LIN52: variants seen among roughly 807,000 people sequenced by gnomAD.
LIN52 encodes the protein protein lin-52 homolog.
A neutral mutation model predicts 18.5 loss-of-function variants in LIN52; 4 were observed. The ratio of observed to expected loss-of-function variants is 0.22; its 90% CI spans 0.11 to 0.49. The LOEUF (loss-of-function observed/expected upper bound fraction) is 0.49. LIN52 is among the 20% of genes least tolerant of loss of function. LIN52 has a pLI of 0.97. For synonymous variants in LIN52, 34 were observed against 45.5 expected, an observed-to-expected ratio of 0.75 and a Z score of 1.02; for missense variants, 102 against 139.5, an observed-to-expected ratio of 0.73 and a Z score of 1.35.
At chr14:74,106,329 G>T (rs1486898084) in intron 5 of LIN52, among the ~76,000 whole-genome samples, 3 of 152,094 alleles carry the variant, frequency 2.0e-5, no homozygotes, top group African/African-American at 7.2e-5. Context: ...GAGTGCCATG[G>T]CCTTATCATG....
chr14:74,111,942 G>A (rs1436204541), intron 5 of LIN52, among the ~76,000 whole-genome samples: 4 of 150,960 alleles, frequency 2.6e-5, no homozygotes, highest in South Asian at 2.1e-4. Flanking sequence ...GTGCAATGGC[G>A]TGATCTCAGC....
At chr14:74,096,160 A>G (rs867197432) in intron 3 of LIN52, among the ~76,000 whole-genome samples, 175 bp downstream of exon 3, 1 of 152,074 alleles carries the variant, frequency 6.6e-6, no homozygotes, top group Non-Finnish European at 1.5e-5. Context: ...TACCAAGTTC[A>G]AGCGATTCTC....
chr14:74,092,456 C>T (rs926672082), intron 2 of LIN52, among the ~76,000 whole-genome samples: 3 of 150,496 alleles, frequency 2.0e-5, no homozygotes, highest in African/African-American at 7.3e-5. Flanking sequence ...AGGCACATGC[C>T]GCAATGCCCG....
At chr14:74,175,737 CA>C (rs1236713430) in intron 5 of LIN52, among the ~76,000 whole-genome samples, 1 of 142,518 alleles carries the variant, frequency 7.0e-6, no homozygotes, top group Non-Finnish European at 1.5e-5. Flanking sequence ...CACACACACA[CA>C]CACACACACA....
intron 5 of LIN52, among the ~76,000 whole-genome samples, chr14:74,142,239 C>G (rs2061134550): frequency 6.6e-6 from 1 of 152,128 alleles, no homozygotes; most frequent in Admixed American, 6.5e-5. Flanking sequence ...CTCAACACTT[C>G]AAAATTGAGG....
At chr14:74,134,995 ACAAAT>A (rs1342012415) in intron 5 of LIN52, among the ~76,000 whole-genome samples, 7 of 152,206 alleles carry the variant, frequency 4.6e-5, no homozygotes, top group Non-Finnish European at 7.3e-5. Flanking sequence ...TTCATACTCA[ACAAAT>A]CCCTCAAGAA....
intron 5 of LIN52, among the ~76,000 whole-genome samples, chr14:74,160,139 A>G (rs912351133): frequency 1.9e-4 from 29 of 152,202 alleles, no homozygotes; most frequent in Non-Finnish European, 1.0e-4. Context: ...GTGGGGCCTC[A>G]TCCCAATATG....
intron 5 of LIN52, among the ~76,000 whole-genome samples, chr14:74,179,848 G>A (rs969470546): frequency 1.3e-5 from 2 of 151,992 alleles, no homozygotes; most frequent in Non-Finnish European, 2.9e-5. Flanking sequence ...AGAGCTGCAG[G>A]GAACTGGAAA....
chr14:74,137,496 C>CTTTTTTTTTTTT (rs1409995305), intron 5 of LIN52, among the ~76,000 whole-genome samples: 41 of 85,520 alleles, frequency 4.8e-4, no homozygotes, highest in African/African-American at 1.6e-3. Context: ...CACAGCAGCT[C>CTTTTTTTTTTTT]TCTTTTTTTT....
intron 5 of LIN52, among the ~76,000 whole-genome samples, chr14:74,105,305 G>A (rs2060890190): frequency 6.6e-6 from 1 of 152,158 alleles, no homozygotes; most frequent in Admixed American, 6.5e-5. Flanking sequence ...AACCAAAACT[G>A]TATAAGAGAA....
At chr14:74,158,275 G>C (rs868271434) in intron 5 of LIN52, among the ~76,000 whole-genome samples, 1 of 151,426 alleles carries the variant, frequency 6.6e-6, no homozygotes, top group African/African-American at 2.4e-5. Flanking sequence ...CACATGCCCG[G>C]CTAATTTTTG....
chr14:74,194,628 C>G (rs781729318), intron 5 of LIN52, among the ~76,000 whole-genome samples: 20 of 152,164 alleles, frequency 1.3e-4, no homozygotes, highest in Non-Finnish European at 2.8e-4. Context: ...CATGTTAACC[C>G]TATAGTGACA....
At chr14:74,136,700 A>C (rs114057549) in intron 5 of LIN52, among the ~76,000 whole-genome samples, 2,410 of 152,226 alleles carry the variant, frequency 0.016, 63 homozygotes, top group African/African-American at 0.055. Context: ...CTTTGAAATG[A>C]CTCTGCAAGA....
At chr14:74,186,861 T>C (rs1352750127) in intron 5 of LIN52, among the ~76,000 whole-genome samples, 2 of 152,142 alleles carry the variant, frequency 1.3e-5, no homozygotes, top group African/African-American at 4.8e-5. Context: ...GTTGCATCAC[T>C]GGAGGCCAGG....
intron 5 of LIN52, among the ~76,000 whole-genome samples, chr14:74,102,474 C>T (rs1490973861): frequency 6.6e-6 from 1 of 152,180 alleles, no homozygotes; most frequent in Non-Finnish European, 1.5e-5. Context: ...TAACTCTTCT[C>T]TATATACTGG....
At chr14:74,125,231 A>G (rs2061021992) in intron 5 of LIN52, among the ~76,000 whole-genome samples, 1 of 152,180 alleles carries the variant, frequency 6.6e-6, no homozygotes, top group Non-Finnish European at 1.5e-5. Context: ...AGTCCCACCA[A>G]CAGTGTAAAA....
intron 2 of LIN52, among the ~76,000 whole-genome samples, chr14:74,094,683 G>A (rs182193829): frequency 2.0e-5 from 3 of 152,110 alleles, no homozygotes; most frequent in Non-Finnish European, 2.9e-5. Flanking sequence ...AGTATTAGAT[G>A]TTACTAATCT....
In LIN52 at chr14:74,199,052, C is replaced by G; in HGVS notation, c.*75C>G. ...CCGGTGCACCTCTAACAATGCACAC[C>G]TCACTGCTTGCTTGGGAGAGGCCAG... On this transcript the variant is annotated 3_prime_UTR_variant, in exon 6 of 6. Coordinates refer to ENST00000555028, the MANE Select transcript of LIN52 (RefSeq NM_001024674.3). The G allele has an allele frequency of 9.6e-7, 1 of 1,042,870 alleles. No individual in the cohort carries two copies. The allele number at this position is 1,042,870 out of a possible 1,614,324, so 64.6% of individuals were successfully genotyped here.
At chr14:74,198,312 A>G (rs1038815216) in intron 5 of LIN52, among the ~76,000 whole-genome samples, 1 of 152,204 alleles carries the variant, frequency 6.6e-6, no homozygotes, top group African/African-American at 2.4e-5. Context: ...AGAAAGACAC[A>G]TAAACCTTGG....
Sources: gnomAD v4.1 joint callset for allele counts (sites outside exome capture counted in the v4.1 genomes callset) on GRCh38, gnomAD v4.1.1 for gene constraint, MANE v1.5 for transcripts, NCBI Gene and HGNC (gene_info 2026-07-23, HGNC 2026-07-21) for gene names.